SLC37A3: variants seen among roughly 807,000 people sequenced by gnomAD.
SLC37A3 encodes sugar phosphate exchanger 3.
SLC37A3 carries 51 observed loss-of-function variants against 67.1 expected under a neutral mutation model. The ratio of observed to expected loss-of-function variants is 0.76; its 90% CI spans 0.61 to 0.96. The LOEUF is 0.96. SLC37A3 is among the 40% of genes least tolerant of loss of function. SLC37A3 has a pLI of 0.00. For missense variants in SLC37A3, 508 were observed against 603.0 expected (o/e 0.84, Z 1.65); for synonymous variants, 214 against 231.4 (o/e 0.92, Z 0.68).
At chr7:140,344,158 T>C (rs1796465092) in intron 12 of SLC37A3, 1 of 155,268 alleles carries the variant, frequency 6.4e-6, no homozygotes, top group Non-Finnish European at 1.4e-5. Flanking sequence ...CCGGGCGCAG[T>C]GGCTTATGCC....
At chr7:140,356,555 C>T (rs1428798378) in intron 6 of SLC37A3, among the ~76,000 whole-genome samples, 1 of 151,992 alleles carries the variant, frequency 6.6e-6, no homozygotes, top group Non-Finnish European at 1.5e-5. Context: ...GGTGGCTGCA[C>T]ACCTATAATC....
chr7:140,360,196 AT>A, intron 5 of SLC37A3, among the ~76,000 whole-genome samples: 1 of 152,288 alleles, frequency 6.6e-6, no homozygotes, highest in African/African-American at 2.4e-5. Context: ...AAATTTAAAA[AT>A]TAGCTAAGCA....
intron 13 of SLC37A3, among the ~76,000 whole-genome samples, chr7:140,338,396 G>A (rs1039283877): frequency 5.3e-5 from 8 of 152,142 alleles, no homozygotes; most frequent in South Asian, 2.1e-4. Flanking sequence ...CGTGTAAATG[G>A]AATCACAGTA....
At chr7:140,378,410 C>G (rs1046765356) in intron 3 of SLC37A3, among the ~76,000 whole-genome samples, 1 of 152,146 alleles carries the variant, frequency 6.6e-6, no homozygotes, top group Non-Finnish European at 1.5e-5. Flanking sequence ...GGTTAGGGTA[C>G]GTGATCTCTC....
chr7:140,354,792 G>A (rs977927967), intron 7 of SLC37A3, among the ~76,000 whole-genome samples: 5 of 148,250 alleles, frequency 3.4e-5, no homozygotes, highest in Non-Finnish European at 7.4e-5. Context: ...CAAGATTGGA[G>A]TGCAGTGGTG....
chr7:140,337,253 C>CTTT, intron 14 of SLC37A3, 31 bp downstream of exon 14: 14 of 1,305,264 alleles, frequency 1.1e-5, no homozygotes, highest in Admixed American at 2.7e-5. Context: ...AGAAAAATGA[C>CTTT]TTTTTTTTTT....
rs769791554 is a variant in SLC37A3 at position 140,358,764 on chromosome 7, T to C, written c.397A>G (p.Thr133Ala). ...ALVVFVFGAL[T>A]EWLRFYNKWL... Reference sequence around the variant, plus strand: ...TTGTTGTAGAAACGCAGCCATTCTGTGAGCGCACCAAAGACAAACACCTTG... The same window carrying C: ...TTGTTGTAGAAACGCAGCCATTCTGCGAGCGCACCAAAGACAAACACCTTG... The change falls in exon 6 of 15, where the codon ACA (threonine) becomes GCA (alanine). Residue 133 changes from threonine to alanine, a missense_variant. Thr to Ala is a moderately conservative substitution (Grantham distance 58). Transcript: ENST00000326232. 2.5e-6 allele frequency: 4 copies of C among 1,613,892 alleles called. No individual in the cohort carries two copies. Among genetic ancestry groups the C allele is most frequent in the Admixed American group, 1.7e-5 (1 of 59,978 alleles).
At chr7:140,360,669 G>A (rs537799150) in intron 5 of SLC37A3, among the ~76,000 whole-genome samples, 2 of 151,294 alleles carry the variant, frequency 1.3e-5, no homozygotes, top group South Asian at 2.1e-4. Flanking sequence ...GGGAAGTGGA[G>A]GTTGCAGTGA....
chr7:140,364,169 T>TG (rs1348654394), intron 5 of SLC37A3, among the ~76,000 whole-genome samples: 1 of 151,352 alleles, frequency 6.6e-6, no homozygotes, highest in African/African-American at 2.4e-5. Flanking sequence ...CAGAATCGCT[T>TG]GAACATGGGA....
At chr7:140,352,938 A>C (rs1387497140) in intron 7 of SLC37A3, among the ~76,000 whole-genome samples, 1 of 152,132 alleles carries the variant, frequency 6.6e-6, no homozygotes, top group Non-Finnish European at 1.5e-5. Context: ...CAAATCTGAG[A>C]GCAGCTCAGA....
chr7:140,363,799 G>C (rs1273234148), intron 5 of SLC37A3, among the ~76,000 whole-genome samples: 1 of 146,848 alleles, frequency 6.8e-6, no homozygotes, highest in Non-Finnish European at 1.5e-5. Flanking sequence ...CTGGAAAGCA[G>C]TCCAGCTTGG....
Position 140,360,621 on chromosome 7 carries a change from C to T in SLC37A3, c.376-1836G>A, listed in dbSNP as rs570563016. On this transcript the variant is annotated intron_variant, in intron 5 of 14. Coordinates refer to ENST00000326232, the MANE Select transcript of SLC37A3 (RefSeq NM_207113.3). ...TGGTGGTGCACACCTGTAGTCCCAG[C>T]TACTCAGGAGGCTAAAACAGGAGAA... is the stretch of plus-strand genomic sequence containing the variant. 2.0e-5 allele frequency among the ~76,000 whole-genome samples: 3 copies of T among 151,584 alleles called. No homozygotes were observed. The East Asian group carries it at 5.9e-4, about 30-fold the overall frequency.
chr7:140,348,523 T>C, intron 10 of SLC37A3, 103 bp downstream of exon 10: 1 of 1,285,816 alleles, frequency 7.8e-7, no homozygotes, highest in Non-Finnish European at 1.0e-6. Context: ...AAAATGGCTG[T>C]AGAATAAGTA....
At chr7:140,386,426 C>T (rs936583090) in intron 1 of SLC37A3, among the ~76,000 whole-genome samples, 15 of 141,206 alleles carry the variant, frequency 1.1e-4, no homozygotes, top group East Asian at 2.1e-4. Context: ...ACGAATACTA[C>T]GACATTTGGT....
Position 140,380,287 on chromosome 7 carries a change from C to G in SLC37A3, c.193G>C (p.Val65Leu), listed in dbSNP as rs62490396. 0.44 allele frequency: 709,172 copies of G among 1,601,394 alleles called. 159,606 individuals carry two copies. The highest frequency in any genetic ancestry group is 0.46 in the Non-Finnish European group (535,947 of 1,169,036). ...CAGCACTCTGTTCTGCTTACCTCCA[C>G]AGGCAGCTCAACTGACGTGTTAAAA... ...SAFNTSVELPVEIWSSNHLFP... is the reference protein window; with the variant it reads ...SAFNTSVELPLEIWSSNHLFP... Residue 65 changes from valine (V) to leucine (L), a missense_variant, in exon 3 of 15, where the codon GTG (valine) becomes CTG (leucine). Physicochemically the swap from Val to Leu is conservative, Grantham distance 32. Coordinates refer to ENST00000326232, the MANE Select transcript of SLC37A3 (RefSeq NM_207113.3).
chr7:140,375,247 T>C (rs566450593), intron 3 of SLC37A3, among the ~76,000 whole-genome samples: 5 of 150,712 alleles, frequency 3.3e-5, no homozygotes, highest in South Asian at 2.1e-4. Flanking sequence ...GGCGGGTGGA[T>C]TGCCTGAGCT....
intron 1 of SLC37A3, among the ~76,000 whole-genome samples, chr7:140,387,183 G>GCACAGTGGCT (rs902402893): frequency 1.3e-5 from 2 of 152,078 alleles, no homozygotes; most frequent in Non-Finnish European, 2.9e-5. Context: ...CACCGGTAGG[G>GCACAGTGGCT]CACAGTGGCT....
chr7:140,350,541 G>A (rs1563015657), intron 9 of SLC37A3, among the ~76,000 whole-genome samples: 1 of 152,056 alleles, frequency 6.6e-6, no homozygotes, highest in Non-Finnish European at 1.5e-5. Context: ...AAAGTGGGCA[G>A]ACCATGAGAT....
intron 1 of SLC37A3, among the ~76,000 whole-genome samples, chr7:140,388,504 C>T (rs1312027487): frequency 6.6e-6 from 1 of 151,430 alleles, no homozygotes; most frequent in African/African-American, 2.4e-5. Context: ...AAGATTCTTG[C>T]CATCAAATAA....
Sources: gnomAD v4.1 joint callset for allele counts (sites outside exome capture counted in the v4.1 genomes callset) on GRCh38, gnomAD v4.1.1 for gene constraint, MANE v1.5 for transcripts, NCBI Gene and HGNC (gene_info 2026-07-23, HGNC 2026-07-21) for gene names.